HECTD4: variants seen among roughly 807,000 people sequenced by gnomAD.
HECTD4 encodes probable E3 ubiquitin-protein ligase HECTD4.
In HECTD4, 114 loss-of-function variants were observed where a neutral mutation model predicts 471.5. The observed-to-expected ratio is 0.24, with a 90% CI of 0.21 to 0.28. The LOEUF (loss-of-function observed/expected upper bound fraction) is 0.28, where lower values mean the gene tolerates loss of function less well. HECTD4 is among the 10% of genes least tolerant of loss of function. HECTD4 has a pLI of 1.00. For synonymous variants in HECTD4, 2,012 were observed against 2,256.0 expected, an observed-to-expected ratio of 0.89 and a Z score of 3.07; for missense variants, 3,866 against 5,651.5, an observed-to-expected ratio of 0.68 and a Z score of 10.13.
Position 112,265,282 on chromosome 12 carries a change from G to A in HECTD4, c.2512C>T (p.Leu838Phe), listed in dbSNP as rs779164927. 5 of 1,566,666 alleles carry A rather than the reference G, an allele frequency of 3.2e-6. No individual in the cohort carries two copies. The highest frequency in any genetic ancestry group is 4.4e-6 in the Non-Finnish European group (5 of 1,148,440). Reference sequence around the variant, plus strand: ...ACAATCTTCAGAATGTAGTGTAAAAGTTCATCATTTAGTCTTTAAAATGCA... The same window carrying A: ...ACAATCTTCAGAATGTAGTGTAAAAATTCATCATTTAGTCTTTAAAATGCA... The part of the protein sequence containing the change: ...EDDHYRLNDE[L>F]LHYILKIVVR... Residue 838 changes from leucine (L) to phenylalanine (F), a missense_variant, in exon 16 of 76, where the codon CTT becomes TTT. Physicochemically the swap from Leu to Phe is conservative, Grantham distance 22. Coordinates refer to ENST00000682272, the MANE Select transcript of HECTD4 (RefSeq NM_001388303.1).
rs185490751 is a variant in HECTD4 at position 112,250,501 on chromosome 12, A to G, written c.3717-124T>C. On this transcript the variant is annotated intron_variant, in intron 24 of 75. Coordinates refer to ENST00000682272, the MANE Select transcript of HECTD4 (RefSeq NM_001388303.1). The stretch of plus-strand genomic sequence containing the variant: ...ATTCTGTGTTAAGTAATTACTCATC[A>G]AACCTTCTCCAGAAGCTAAAGACAA... 44 of 699,716 alleles carry G rather than the reference A, an allele frequency of 6.3e-5. No individual in the cohort carries two copies. In the Admixed American group the frequency reaches 1.1e-3, roughly 17 times the overall value. The allele number at this position is 699,716 out of a possible 1,614,324, so 43.3% of individuals were successfully genotyped here.
chr12:112,287,247 T>C (rs1344639764), intron 7 of HECTD4, among the ~76,000 whole-genome samples: 5 of 152,226 alleles, frequency 3.3e-5, no homozygotes, highest in Admixed American at 1.3e-4. Context: ...TTTGTTCTTA[T>C]TGTTTGCTTC....
intron 7 of HECTD4, among the ~76,000 whole-genome samples, chr12:112,289,708 ACT>A (rs1280729452): frequency 6.6e-6 from 1 of 151,736 alleles, no homozygotes; most frequent in Non-Finnish European, 1.5e-5. Flanking sequence ...AGACAGTCTC[ACT>A]CTGTCAGCCA....
At chr12:112,343,721 T>C (rs541342807) in intron 1 of HECTD4, among the ~76,000 whole-genome samples, 5 of 151,948 alleles carry the variant, frequency 3.3e-5, no homozygotes, top group African/African-American at 7.2e-5. Context: ...CAGTGAGCTA[T>C]GATCACGCCA....
intron 44 of HECTD4, among the ~76,000 whole-genome samples, chr12:112,224,802 T>C (rs1009273338): frequency 1.3e-5 from 2 of 152,192 alleles, no homozygotes; most frequent in Admixed American, 1.3e-4. Flanking sequence ...TAAGTATCAA[T>C]GTAAATTTCA....
intron 9 of HECTD4, among the ~76,000 whole-genome samples, chr12:112,278,915 G>A (rs994481014): frequency 3.3e-5 from 5 of 152,144 alleles, no homozygotes; most frequent in Admixed American, 6.6e-5. Flanking sequence ...TTCTATCATA[G>A]TGAGTAGAGC....
In HECTD4 at chr12:112,179,132, C is replaced by T; in HGVS notation, c.11211+42G>A. 6.2e-7 allele frequency: 1 copy of T among 1,613,498 alleles called. No individual in the cohort carries two copies. Among genetic ancestry groups the T allele is most frequent in the Non-Finnish European group, 8.5e-7 (1 of 1,179,736 alleles). ...AGGCTCTCAGGTTCGCCCTGCAGGG[C>T]ACCCAAGGCCCGGCCTGGGTATGGT... On this transcript the variant is annotated intron_variant, in intron 63 of 75. Transcript: ENST00000682272. This position sits in a 1 kb window ranked among gnomAD's most constrained non-coding sequence, Gnocchi z 4.3.
chr12:112,272,349 C>T (rs997025664), intron 11 of HECTD4, among the ~76,000 whole-genome samples: 3 of 152,206 alleles, frequency 2.0e-5, no homozygotes, highest in Non-Finnish European at 4.4e-5. Context: ...AGCGCCTAGC[C>T]TCATTTATTT....
intron 7 of HECTD4, among the ~76,000 whole-genome samples, chr12:112,297,468 C>T (rs1566103307): frequency 6.6e-6 from 1 of 151,798 alleles, no homozygotes; most frequent in Non-Finnish European, 1.5e-5. Flanking sequence ...TCATTCAGCA[C>T]CTCTATAGAA....
At position 112,382,352 on chromosome 12, in the gene HECTD4, G is replaced by GCCGCCGCCGCCGCCGCCT; in HGVS notation, c.-225_-224insAGGCGGCGGCGGCGGCGG. 2.5e-6 allele frequency: 1 copy of GCCGCCGCCGCCGCCGCCT among 403,392 alleles called. No individual in the cohort carries two copies. Among genetic ancestry groups the GCCGCCGCCGCCGCCGCCT allele is most frequent in the Non-Finnish European group, 4.2e-6 (1 of 236,814 alleles). 25.0% of individuals were successfully genotyped at this position (403,392 alleles called of 1,614,324 possible). A position where few individuals can be genotyped will look rare whatever the true frequency, so the allele number is the denominator to read the frequency against. On this transcript the variant is annotated 5_prime_UTR_variant, in exon 1 of 76. Transcript: ENST00000682272. The stretch of plus-strand genomic sequence containing the variant: ...TGCCGCCGCCGCCGCCGCCGCCGCC[G>GCCGCCGCCGCCGCCGCCT]CCGCCGCCCTCAGGAGCAGGATCCG...
intron 54 of HECTD4, among the ~76,000 whole-genome samples, chr12:112,202,397 G>A (rs1359572993): frequency 1.3e-5 from 2 of 151,852 alleles, no homozygotes; most frequent in Non-Finnish European, 2.9e-5. Flanking sequence ...GTAGAGATGG[G>A]GTTTCATTAT....
At chr12:112,378,783 C>A (rs1307754913) in intron 1 of HECTD4, among the ~76,000 whole-genome samples, 1 of 152,138 alleles carries the variant, frequency 6.6e-6, no homozygotes, top group African/African-American at 2.4e-5. Context: ...GTGGCTCACG[C>A]CTGTAATCCC....
At chr12:112,204,765 T>C (rs2135535968) in intron 52 of HECTD4, 142 bp from the exon 53 acceptor site, 2 of 661,094 alleles carry the variant, frequency 3.0e-6, no homozygotes, top group Admixed American at 3.1e-5. Context: ...GCGAAGGAAA[T>C]TGTGCAGTAT....
intron 64 of HECTD4, among the ~76,000 whole-genome samples, chr12:112,178,496 C>T (rs573359809): frequency 1.5e-3 from 229 of 152,268 alleles, no homozygotes; most frequent in Admixed American, 3.0e-3. Context: ...TGATGTTCAC[C>T]TGATGGAGCT....
chr12:112,207,972 G>A lies in HECTD4; in HGVS notation c.8033C>T (p.Ala2678Val). ...QEDHYALLVK[A>V]WETKVFPTIR... ...GGTAGGAAAAACCTTGGTCTCCCAT[G>A]CTTTCACCAGCAGGGCGTAGTGGTC... The change falls in exon 52 of 76, where the codon GCA becomes GTA. Residue 2678 changes from alanine (A) to valine (V), a missense_variant. Physicochemically the swap from Ala to Val is moderately conservative, Grantham distance 64 (BLOSUM62 0). Transcript: ENST00000682272. The A allele has an allele frequency of 6.2e-7, 1 of 1,613,622 alleles. No individual in the cohort carries two copies. Among genetic ancestry groups the A allele is most frequent in the Non-Finnish European group, 8.5e-7 (1 of 1,179,742 alleles).
chr12:112,288,573 C>G (rs1407549775), intron 7 of HECTD4, among the ~76,000 whole-genome samples: 1 of 152,010 alleles, frequency 6.6e-6, no homozygotes, highest in African/African-American at 2.4e-5. Context: ...AGTGAGTGAG[C>G]AGAGATAGTA....
At chr12:112,369,498 C>T (rs374319560) in intron 1 of HECTD4, among the ~76,000 whole-genome samples, 4 of 151,894 alleles carry the variant, frequency 2.6e-5, no homozygotes, top group Admixed American at 6.6e-5. Flanking sequence ...CCCACCACCA[C>T]GCCCAGCTAA....
chr12:112,266,048 TAAAAAG>T, intron 14 of HECTD4, 65 bp from the exon 15 acceptor site: 1 of 1,171,490 alleles, frequency 8.5e-7, no homozygotes, highest in South Asian at 1.3e-5. Flanking sequence ...ATGCTATTTT[TAAAAAG>T]TTTTTAAACA....
chr12:112,333,542 T>TG (rs760382546), intron 1 of HECTD4, among the ~76,000 whole-genome samples: 5 of 152,214 alleles, frequency 3.3e-5, no homozygotes, highest in Non-Finnish European at 7.3e-5. Flanking sequence ...ACAATGATAT[T>TG]GCCAGATTAG....
Sources: allele counts gnomAD v4.1 joint callset (sites outside exome capture counted in the v4.1 genomes callset), GRCh38; gene constraint gnomAD v4.1.1; non-coding constraint Gnocchi (gnomAD v3.1); transcripts MANE v1.5; gene names NCBI Gene and HGNC (gene_info 2026-07-23, HGNC 2026-07-21).